LYRM4: variants seen among roughly 807,000 people sequenced by gnomAD.
The protein encoded by LYRM4 is LYR motif containing 4.
In LYRM4, 9 loss-of-function variants were observed where a neutral mutation model predicts 11.7. That is an observed-to-expected ratio of 0.77 (90% CI 0.46 to 1.34). The LOEUF (loss-of-function observed/expected upper bound fraction) is 1.34, where lower values mean the gene tolerates loss of function less well. Among genes scored for constraint, LYRM4 ranks in the 40% most tolerant of loss-of-function variants. The pLI is 0.00. For missense variants in LYRM4, 133 were observed against 112.5 expected (o/e 1.18, Z -0.82); for synonymous variants, 42 against 40.4 (o/e 1.04, Z -0.15).
chr6:5,059,705 C>T, the LYRM4 span, among the ~76,000 whole-genome samples: 1 of 152,178 alleles, frequency 6.6e-6, no homozygotes, highest in South Asian at 2.1e-4. Flanking sequence ...ATCTCCCTTT[C>T]CCTAAAAAGA....
chr6:5,178,015 G>C (rs1041144041), intron 2 of LYRM4, among the ~76,000 whole-genome samples: 1 of 151,686 alleles, frequency 6.6e-6, no homozygotes, highest in South Asian at 2.1e-4. Flanking sequence ...TTTTAACTAA[G>C]TATTTAATTA....
chr6:5,220,653 G>T (rs1762527512), intron 1 of LYRM4, among the ~76,000 whole-genome samples: 1 of 152,138 alleles, frequency 6.6e-6, no homozygotes, highest in Non-Finnish European at 1.5e-5. Context: ...TGTATTCCGG[G>T]AGCCTGCTGC....
At chr6:5,101,995 G>A (rs1159682783), downstream of LYRM4, among the ~76,000 whole-genome samples, 3 of 33,128 alleles carry the variant, frequency 9.1e-5, no homozygotes, top group African/African-American at 7.9e-5. Flanking sequence ...GGAGAGTTAT[G>A]TTGCCTAGGC....
chr6:5,081,623 T>C, the LYRM4 span, among the ~76,000 whole-genome samples: 3 of 152,222 alleles, frequency 2.0e-5, no homozygotes, highest in African/African-American at 7.2e-5. Flanking sequence ...TGTAGTATAA[T>C]AAAAATAGAC....
the LYRM4 span, among the ~76,000 whole-genome samples, chr6:5,098,537 C>T: frequency 4.6e-5 from 7 of 152,192 alleles, no homozygotes; most frequent in African/African-American, 1.2e-4. Context: ...CCCCATGATC[C>T]GAAATTCCAC....
At chr6:5,177,030 A>G (rs1466875094) in intron 2 of LYRM4, among the ~76,000 whole-genome samples, 1 of 152,216 alleles carries the variant, frequency 6.6e-6, no homozygotes, top group Non-Finnish European at 1.5e-5. Flanking sequence ...TAGATCCCCT[A>G]CTGTGTAAAT....
At chr6:5,051,187 A>T in the LYRM4 span, among the ~76,000 whole-genome samples, 1 of 152,250 alleles carries the variant, frequency 6.6e-6, no homozygotes, top group Non-Finnish European at 1.5e-5. Context: ...CTGGCACATC[A>T]TGAAGTAAAC....
intron 2 of LYRM4, among the ~76,000 whole-genome samples, chr6:5,204,263 C>T (rs1183580197): frequency 2.0e-5 from 3 of 151,826 alleles, no homozygotes; most frequent in African/African-American, 7.2e-5. Flanking sequence ...ATCACCTTTT[C>T]TTTTCAACTG....
the LYRM4 span, among the ~76,000 whole-genome samples, chr6:5,096,634 C>T: frequency 1.3e-5 from 2 of 152,184 alleles, no homozygotes; most frequent in African/African-American, 4.8e-5. Flanking sequence ...CACCAGCTCA[C>T]CCCTGGCTAG....
At chr6:5,197,543 C>T (rs989942536) in intron 2 of LYRM4, among the ~76,000 whole-genome samples, 10 of 151,742 alleles carry the variant, frequency 6.6e-5, no homozygotes, top group African/African-American at 1.7e-4. Flanking sequence ...GGCATGGTGG[C>T]GGGTGCCTGT....
At chr6:5,153,634 G>A (rs1241074399) in intron 2 of LYRM4, among the ~76,000 whole-genome samples, 1 of 152,176 alleles carries the variant, frequency 6.6e-6, no homozygotes, top group East Asian at 1.9e-4. Flanking sequence ...GACACTCTTG[G>A]AAAACCTGTG....
chr6:5,139,262 G>A (rs1355876780), intron 2 of LYRM4, among the ~76,000 whole-genome samples: 2 of 152,166 alleles, frequency 1.3e-5, no homozygotes, highest in Non-Finnish European at 2.9e-5. Flanking sequence ...TTTCCACCTC[G>A]CTAACTGGAG....
chr6:5,151,334 C>T (rs1369328274), intron 2 of LYRM4, among the ~76,000 whole-genome samples: 1 of 152,224 alleles, frequency 6.6e-6, no homozygotes, highest in Non-Finnish European at 1.5e-5. Context: ...CTGCCTGCCT[C>T]AGCCTCCCAC....
chr6:5,119,408 A>G (rs536375126), intron 2 of LYRM4, among the ~76,000 whole-genome samples: 1 of 152,208 alleles, frequency 6.6e-6, no homozygotes, highest in African/African-American at 2.4e-5. Flanking sequence ...TGTCTGCCTC[A>G]ATCATGAACA....
At chr6:5,219,335 C>T (rs1762450331) in intron 1 of LYRM4, among the ~76,000 whole-genome samples, 1 of 152,008 alleles carries the variant, frequency 6.6e-6, no homozygotes, top group African/African-American at 2.4e-5. Context: ...CTCCAAAGTC[C>T]TTACCTAAAG....
intron 1 of LYRM4, among the ~76,000 whole-genome samples, chr6:5,246,354 G>T (rs1000036855): frequency 2.6e-5 from 4 of 152,210 alleles, no homozygotes; most frequent in African/African-American, 9.7e-5. Flanking sequence ...TTGAAGCAAG[G>T]GGGTGGAGTG....
chr6:5,153,204 GC>G (rs749029216), intron 2 of LYRM4, among the ~76,000 whole-genome samples: 36 of 152,226 alleles, frequency 2.4e-4, no homozygotes, highest in African/African-American at 2.9e-4. Context: ...CAATTCTCCT[GC>G]CTCAGCCTCC....
chr6:5,169,166 C>T lies in LYRM4; in HGVS notation c.207+47452G>A, dbSNP rs1055985181. 5.3e-5 allele frequency among the ~76,000 whole-genome samples: 8 copies of T among 152,126 alleles called. No individual in the cohort carries two copies. The East Asian group carries it at 5.8e-4, about 11-fold the overall frequency. ...TTAGCCAGAAACTCCTGGGCTCAAG[C>T]GACTCTCCTGCCTCAGCCTCTAGAG... On this transcript the variant is annotated intron_variant, in intron 2 of 2. Transcript: ENST00000330636.
chr6:5,203,324 C>G (rs1242129575), intron 2 of LYRM4, among the ~76,000 whole-genome samples: 2 of 152,114 alleles, frequency 1.3e-5, no homozygotes, highest in African/African-American at 2.4e-5. Context: ...GAAATCAGGC[C>G]TTTCTGTCTG....
Sources: allele counts gnomAD v4.1 joint callset (sites outside exome capture counted in the v4.1 genomes callset), GRCh38; gene constraint gnomAD v4.1.1; transcripts MANE v1.5; gene names NCBI Gene and HGNC (gene_info 2026-07-23, HGNC 2026-07-21).